The following OXCT1 variants were observed in gnomAD, a reference collection of about 807,000 sequenced individuals.
OXCT1 encodes the protein 3-oxoacid CoA-transferase 1, also known as succinyl-CoA:3-ketoacid coenzyme A transferase 1, mitochondrial.
A neutral mutation model predicts 69.6 loss-of-function variants in OXCT1; 27 were observed. The ratio of observed to expected loss-of-function variants is 0.39; its 90% CI spans 0.29 to 0.54. The LOEUF is 0.54. Among genes scored for constraint, OXCT1 ranks in the 20% least tolerant of loss-of-function variants. The pLI is 0.72. For missense variants in OXCT1, 437 were observed against 650.2 expected, an observed-to-expected ratio of 0.67 and a Z score of 3.57; for synonymous variants, 202 against 217.8, an observed-to-expected ratio of 0.93 and a Z score of 0.64.
rs115095256 is a variant in OXCT1, at chr5:41,837,240, C to T, written c.732+3211G>A. Among the ~76,000 whole-genome samples the T allele has an allele frequency of 3.4e-3, 519 of 150,466 alleles. 1 individual carries two copies. The highest frequency in any genetic ancestry group is 0.012 in the African/African-American group (489 of 40,906). ...GATGCTGGCACAGAGCTTTAGGAGA[C>T]AAGCTCTAATCCAGATTCCACAATT... On this transcript the variant is annotated intron_variant, in intron 7 of 16. Coordinates refer to ENST00000196371, the MANE Select transcript of OXCT1 (RefSeq NM_000436.4).
At chr5:41,864,881 A>G (rs1449945749) in intron 1 of OXCT1, among the ~76,000 whole-genome samples, 2 of 152,196 alleles carry the variant, frequency 1.3e-5, no homozygotes, top group Non-Finnish European at 2.9e-5. Flanking sequence ...AAAAGTGAAG[A>G]GTCAGGCCCT....
chr5:41,749,834 A>G (rs1301038463), intron 14 of OXCT1, among the ~76,000 whole-genome samples: 1 of 152,090 alleles, frequency 6.6e-6, no homozygotes, highest in Non-Finnish European at 1.5e-5. Flanking sequence ...AAATGATTTA[A>G]TTGGGAAACA....
chr5:41,732,438 G>A (rs190485169), intron 16 of OXCT1, among the ~76,000 whole-genome samples: 144 of 152,322 alleles, frequency 9.5e-4, no homozygotes, highest in Non-Finnish European at 1.6e-3. Flanking sequence ...AAGTGACAAT[G>A]AATGTATATT....
chr5:41,745,755 G>C lies in OXCT1; in HGVS notation c.1419+3772C>G, dbSNP rs535479851. Among the ~76,000 whole-genome samples the C allele has an allele frequency of 1.3e-5, 2 of 152,276 alleles. 1 individual carries two copies. Among genetic ancestry groups the C allele is most frequent in the African/African-American group, 4.8e-5 (2 of 41,558 alleles). The stretch of plus-strand genomic sequence containing the variant: ...CCCACAGAAATACAAACTACCATCA[G>C]AGAATACTATAAACACCTCTACGCA... On this transcript the variant is annotated intron_variant, in intron 15 of 16. Coordinates refer to ENST00000196371, the MANE Select transcript of OXCT1 (RefSeq NM_000436.4).
chr5:41,831,514 T>C (rs950966462), intron 7 of OXCT1, among the ~76,000 whole-genome samples: 1 of 152,156 alleles, frequency 6.6e-6, no homozygotes, highest in African/African-American at 2.4e-5. Flanking sequence ...ATTATCAAGA[T>C]AGACCATCAG....
chr5:41,832,786 T>C (rs1201455987), intron 7 of OXCT1, among the ~76,000 whole-genome samples: 1 of 152,130 alleles, frequency 6.6e-6, no homozygotes, highest in Non-Finnish European at 1.5e-5. Flanking sequence ...GAATTCAGAA[T>C]TCTATCAGAT....
intron 4 of OXCT1, among the ~76,000 whole-genome samples, chr5:41,852,414 T>A (rs1749220675): frequency 6.6e-6 from 1 of 152,190 alleles, no homozygotes; most frequent in African/African-American, 2.4e-5. Flanking sequence ...ATTACCAACT[T>A]GGCAAAGTCA....
chr5:41,790,466 T>C (rs1453263543), intron 13 of OXCT1, among the ~76,000 whole-genome samples: 1 of 152,218 alleles, frequency 6.6e-6, no homozygotes, highest in Non-Finnish European at 1.5e-5. Flanking sequence ...GTTAAAAATC[T>C]GTGTACATGA....
At chr5:41,766,540 A>G (rs904422916) in intron 13 of OXCT1, among the ~76,000 whole-genome samples, 2 of 151,214 alleles carry the variant, frequency 1.3e-5, no homozygotes, top group African/African-American at 4.9e-5. Context: ...AAGTCAACAC[A>G]TCAAAGTATC....
In OXCT1 at chr5:41,776,941, T is replaced by C. The variant is rs185527934; in HGVS notation, c.1249-14741A>G. On this transcript the variant is annotated intron_variant, in intron 13 of 16. Coordinates refer to ENST00000196371, the MANE Select transcript of OXCT1 (RefSeq NM_000436.4). ...CCATATTGTTACCAGTGTGAGAAAA[T>C]TGGAAATACAGACTGGACCTCTGTT... 2.0e-4 allele frequency among the ~76,000 whole-genome samples: 31 copies of C among 152,292 alleles called. No individual in the cohort carries two copies. In the East Asian group the frequency reaches 5.0e-3, roughly 25 times the overall value.
At chr5:41,765,468 A>G (rs1274195386) in intron 13 of OXCT1, among the ~76,000 whole-genome samples, 1 of 152,204 alleles carries the variant, frequency 6.6e-6, no homozygotes, top group Non-Finnish European at 1.5e-5. Context: ...AAATAAGTGC[A>G]CAGGGTGCTA....
At chr5:41,772,879 C>T (rs1744941234) in intron 13 of OXCT1, among the ~76,000 whole-genome samples, 1 of 152,164 alleles carries the variant, frequency 6.6e-6, no homozygotes, top group African/African-American at 2.4e-5. Context: ...TCCTAGGTAA[C>T]ATCATTCCAC....
chr5:41,753,350 C>T (rs548739684), intron 14 of OXCT1, among the ~76,000 whole-genome samples: 7 of 151,864 alleles, frequency 4.6e-5, no homozygotes, highest in Non-Finnish European at 7.4e-5. Flanking sequence ...CACGTGTGCA[C>T]GTATTTTTTC....
At chr5:41,780,144 A>G (rs1197548595) in intron 13 of OXCT1, among the ~76,000 whole-genome samples, 1 of 152,190 alleles carries the variant, frequency 6.6e-6, no homozygotes, top group Non-Finnish European at 1.5e-5. Context: ...GTTTTGGGTG[A>G]ATGAATTTGA....
intron 7 of OXCT1, among the ~76,000 whole-genome samples, chr5:41,816,028 T>C (rs1479594031): frequency 2.6e-5 from 4 of 152,200 alleles, no homozygotes; most frequent in Admixed American, 1.3e-4. Flanking sequence ...GGTTAAACCC[T>C]AGCATTTCCA....
At chr5:41,859,865 A>ATATATATATATATATATATTT (rs1561135450) in intron 3 of OXCT1, among the ~76,000 whole-genome samples, 3 of 59,128 alleles carry the variant, frequency 5.1e-5, no homozygotes, top group African/African-American at 7.7e-5. Flanking sequence ...TAGTATAGTA[A>ATATATATATATATATATATTT]TATATATATA....
In OXCT1 at chr5:41,812,223, C is replaced by T. The variant is rs574712432; in HGVS notation, c.733-4785G>A. ...CGTAAAATTGGAATTGGAAATAGAC[C>T]AGGAAGTGAATCTTAAACGTACACA... On this transcript the variant is annotated intron_variant, in intron 7 of 16. Coordinates refer to ENST00000196371, the MANE Select transcript of OXCT1 (RefSeq NM_000436.4). Among the ~76,000 whole-genome samples the T allele has an allele frequency of 2.6e-5, 4 of 151,822 alleles. No homozygotes were observed. The South Asian group carries it at 6.2e-4, about 24-fold the overall frequency.
At chr5:41,753,342 C>A (rs1375003656) in intron 14 of OXCT1, among the ~76,000 whole-genome samples, 2 of 151,880 alleles carry the variant, frequency 1.3e-5, no homozygotes, top group African/African-American at 4.8e-5. Context: ...CAGACACACA[C>A]GTGTGCACGT....
chr5:41,761,556 GT>G (rs1416356773), intron 14 of OXCT1, among the ~76,000 whole-genome samples: 1 of 152,092 alleles, frequency 6.6e-6, no homozygotes, highest in Non-Finnish European at 1.5e-5. Context: ...TGCCTAGCAT[GT>G]AACAGGCACT....
Sources: allele counts gnomAD v4.1 joint callset (sites outside exome capture counted in the v4.1 genomes callset), GRCh38; gene constraint gnomAD v4.1.1; transcripts MANE v1.5; gene names NCBI Gene and HGNC (gene_info 2026-07-23, HGNC 2026-07-21).